LRRK2: variants seen among roughly 807,000 people sequenced by gnomAD.
The protein encoded by LRRK2 is leucine rich repeat kinase 2, also known as leucine-rich repeat serine/threonine-protein kinase 2.
LRRK2 carries 203 observed loss-of-function variants against 302.6 expected under a neutral mutation model. The ratio of observed to expected loss-of-function variants is 0.67; its 90% CI spans 0.60 to 0.75. The LOEUF (loss-of-function observed/expected upper bound fraction) is 0.75, where lower values mean the gene tolerates loss of function less well. LRRK2 is among the 30% of genes least tolerant of loss of function. LRRK2 has a pLI of 0.00. For synonymous variants in LRRK2, 1,066 were observed against 1,031.9 expected, an observed-to-expected ratio of 1.03 and a Z score of -0.63; for missense variants, 2,830 against 2,951.0, an observed-to-expected ratio of 0.96 and a Z score of 0.95.
intron 20 of LRRK2, among the ~76,000 whole-genome samples, chr12:40,288,971 A>G (rs78864317): frequency 0.032 from 4,828 of 151,922 alleles, 256 homozygotes; most frequent in African/African-American, 0.11. Flanking sequence ...ATCCCACTTA[A>G]GAAACCTTTT....
At chr12:40,290,655 T>C (rs1228924674) in intron 20 of LRRK2, among the ~76,000 whole-genome samples, 1 of 152,122 alleles carries the variant, frequency 6.6e-6, no homozygotes, top group East Asian at 1.9e-4. Context: ...CCATTTCATA[T>C]AAGTTGCCAA....
intron 18 of LRRK2, among the ~76,000 whole-genome samples, chr12:40,279,398 A>G (rs947893827): frequency 1.3e-5 from 2 of 152,018 alleles, no homozygotes; most frequent in East Asian, 1.9e-4. Context: ...AAATCACATA[A>G]ACAATCTAAT....
Position 40,225,549 on chromosome 12 carries a change from T to C in LRRK2, c.152-6T>C. 5 of 1,613,030 alleles carry C rather than the reference T, an allele frequency of 3.1e-6. No individual in the cohort carries two copies. The highest frequency in any genetic ancestry group is 3.4e-6 in the Non-Finnish European group (4 of 1,178,980). ...TGCTTCTTTTCCCCACCCACTTGTT[T>C]TCCAGCCTCCAAGTTATTTCAAGGC... On this transcript the variant is annotated splice_region_variant and splice_polypyrimidine_tract_variant and intron_variant, in intron 1 of 50. Coordinates refer to ENST00000298910, the MANE Select transcript of LRRK2 (RefSeq NM_198578.4).
In LRRK2 at chr12:40,309,262, A is replaced by G. The variant is rs1022544984; in HGVS notation, c.4317+29A>G. The G allele has an allele frequency of 2.8e-5, 45 of 1,597,506 alleles. No individual in the cohort carries two copies. The East Asian group carries it at 1.0e-3, about 36-fold the overall frequency. On this transcript the variant is annotated intron_variant, in intron 30 of 50. Transcript: ENST00000298910. ...ATTTGTTCTGATCATTTGAAAATAG[A>G]AAATAATTCATGTGTCTGTGTGCGT...
At chr12:40,342,806 C>T (rs1002894100) in intron 41 of LRRK2, among the ~76,000 whole-genome samples, 2 of 152,072 alleles carry the variant, frequency 1.3e-5, no homozygotes, top group African/African-American at 2.4e-5. Flanking sequence ...TTTGTTAAAC[C>T]TTTTGGGTGT....
intron 11 of LRRK2, among the ~76,000 whole-genome samples, chr12:40,254,267 A>G (rs1942405092): frequency 1.3e-5 from 2 of 152,218 alleles, no homozygotes; most frequent in Admixed American, 6.6e-5. Flanking sequence ...TAGGGTGGAA[A>G]AAAAATAAAG....
In LRRK2 at chr12:40,273,616, A is replaced by T. The variant is rs1169719700; in HGVS notation, c.1657-967A>T. On this transcript the variant is annotated intron_variant, in intron 14 of 50. Transcript: ENST00000298910. Reference sequence around the variant, plus strand: ...TGAAGCTATTTCAGCTCTTTGGATTATCTGTGGTGGAGGCCATCACGTCTT... The same window carrying T: ...TGAAGCTATTTCAGCTCTTTGGATTTTCTGTGGTGGAGGCCATCACGTCTT... 2.0e-5 allele frequency among the ~76,000 whole-genome samples: 3 copies of T among 152,198 alleles called. No homozygotes were observed. The South Asian group carries it at 6.2e-4, about 31-fold the overall frequency.
At chr12:40,362,403 A>G (rs1430602728) in intron 47 of LRRK2, among the ~76,000 whole-genome samples, 2 of 152,044 alleles carry the variant, frequency 1.3e-5, no homozygotes, top group Non-Finnish European at 2.9e-5. Flanking sequence ...GTTCATTCAT[A>G]CTGTAGTGCC....
intron 33 of LRRK2, chr12:40,316,288 A>T (rs1178913718): frequency 1.5e-5 from 15 of 983,764 alleles, no homozygotes; most frequent in Non-Finnish European, 1.8e-5. Context: ...GAAAAAAAGG[A>T]AGCTATTGTG....
chr12:40,316,418 A>G (rs1945223261), intron 33 of LRRK2: 1 of 854,526 alleles, frequency 1.2e-6, no homozygotes, highest in Non-Finnish European at 1.4e-6. Context: ...GTATTTTTAA[A>G]TTAGATTTTC....
At chr12:40,319,916 C>A in intron 33 of LRRK2, 72 bp from the exon 34 acceptor site, 1 of 1,412,726 alleles carries the variant, frequency 7.1e-7, no homozygotes, top group Non-Finnish European at 9.9e-7. Context: ...AGCAAAGAGA[C>A]ATAAAATGCT....
At chr12:40,333,053 T>C (rs1042103883) in intron 39 of LRRK2, among the ~76,000 whole-genome samples, 1 of 152,144 alleles carries the variant, frequency 6.6e-6, no homozygotes, top group African/African-American at 2.4e-5. Flanking sequence ...ATCTATATTA[T>C]ACTGTACTAT....
intron 11 of LRRK2, among the ~76,000 whole-genome samples, chr12:40,254,394 C>A (rs534797760): frequency 6.6e-6 from 1 of 152,132 alleles, no homozygotes; most frequent in East Asian, 1.9e-4. Flanking sequence ...TTTAATAAAA[C>A]GCTTGGAGTG....
intron 11 of LRRK2, among the ~76,000 whole-genome samples, chr12:40,255,416 C>T (rs907587499): frequency 3.9e-5 from 6 of 152,052 alleles, no homozygotes; most frequent in East Asian, 1.9e-4. Flanking sequence ...AAGAGTATTA[C>T]GTAGATAGCT....
chr12:40,276,580 GC>G (rs1943463802), intron 16 of LRRK2, among the ~76,000 whole-genome samples: 1 of 152,184 alleles, frequency 6.6e-6, no homozygotes, highest in African/African-American at 2.4e-5. Flanking sequence ...ACAGGCATGA[GC>G]CACTGCACCC....
chr12:40,310,134 A>G (rs930751399), intron 30 of LRRK2, among the ~76,000 whole-genome samples: 5 of 152,082 alleles, frequency 3.3e-5, no homozygotes, highest in African/African-American at 1.2e-4. Context: ...GGAGTGAATA[A>G]CTCATCTTAA....
At chr12:40,243,961 A>G (rs1192413811) in intron 7 of LRRK2, among the ~76,000 whole-genome samples, 1 of 152,138 alleles carries the variant, frequency 6.6e-6, no homozygotes, top group East Asian at 1.9e-4. Flanking sequence ...ATGTAGTTCT[A>G]TAGATGAGTT....
chr12:40,329,301 G>T (rs1687462406), intron 39 of LRRK2, among the ~76,000 whole-genome samples: 1 of 151,978 alleles, frequency 6.6e-6, no homozygotes, highest in East Asian at 1.9e-4. Flanking sequence ...CAAAACTTTT[G>T]TTTTTTTAGT....
chr12:40,323,436 T>C (rs1213314367), intron 38 of LRRK2, 130 bp downstream of exon 38: 2 of 838,512 alleles, frequency 2.4e-6, no homozygotes, highest in Non-Finnish European at 3.6e-6. Flanking sequence ...ATTTTTGTAT[T>C]TGGAATGATA....
Sources: allele counts gnomAD v4.1 joint callset (sites outside exome capture counted in the v4.1 genomes callset), GRCh38; gene constraint gnomAD v4.1.1; transcripts MANE v1.5; gene names NCBI Gene and HGNC (gene_info 2026-07-23, HGNC 2026-07-21).